Variants in AP3S2 observed in about 807,000 individuals in gnomAD.
AP3S2 encodes the protein adaptor related protein complex 3 subunit sigma 2.
AP3S2 carries 22 observed loss-of-function variants against 23.4 expected under a neutral mutation model. That is an observed-to-expected ratio of 0.94 (90% CI 0.67 to 1.34). The LOEUF (loss-of-function observed/expected upper bound fraction) is 1.34. Among genes scored for constraint, AP3S2 ranks in the 40% most tolerant of loss-of-function variants. AP3S2 has a pLI of 0.00. For missense variants in AP3S2, 241 were observed against 236.9 expected, an observed-to-expected ratio of 1.02 and a Z score of -0.11; for synonymous variants, 86 against 87.1, an observed-to-expected ratio of 0.99 and a Z score of 0.07.
intron 3 of AP3S2, among the ~76,000 whole-genome samples, chr15:89,875,127 G>A (rs1033534131): frequency 6.6e-6 from 1 of 152,240 alleles, no homozygotes; most frequent in Non-Finnish European, 1.5e-5. Flanking sequence ...CTTTGAGGTG[G>A]CTGGTACTGC....
At chr15:89,849,742 A>G (rs1895596402) in intron 4 of AP3S2, among the ~76,000 whole-genome samples, 1 of 151,994 alleles carries the variant, frequency 6.6e-6, no homozygotes, top group South Asian at 2.1e-4. Flanking sequence ...AGGTTTTTAC[A>G]TAGCTATACA....
At chr15:89,880,296 C>G (rs1409928140) in intron 3 of AP3S2, among the ~76,000 whole-genome samples, 1 of 152,072 alleles carries the variant, frequency 6.6e-6, no homozygotes, top group East Asian at 1.9e-4. Flanking sequence ...TTCAAGAATA[C>G]ATATGGATGA....
At chr15:89,883,146 T>C (rs1896611524) in intron 3 of AP3S2, among the ~76,000 whole-genome samples, 1 of 152,228 alleles carries the variant, frequency 6.6e-6, no homozygotes, top group African/African-American at 2.4e-5. Flanking sequence ...GAGACTTCTT[T>C]AATTATGAAT....
At chr15:89,868,269 T>C (rs1219791738) in intron 4 of AP3S2, among the ~76,000 whole-genome samples, 7 of 52,530 alleles carry the variant, frequency 1.3e-4, no homozygotes, top group African/African-American at 4.3e-4. Flanking sequence ...GAGGGGCGCC[T>C]CTGCCCGGCC....
chr15:89,877,574 C>G, intron 3 of AP3S2: 1 of 458,490 alleles, frequency 2.2e-6, no homozygotes, highest in African/African-American at 2.0e-5. Context: ...CATGGCCGGG[C>G]GCGGTGGCTC....
chr15:89,836,209 T>C (rs1895188010), intron 5 of AP3S2, among the ~76,000 whole-genome samples: 1 of 152,082 alleles, frequency 6.6e-6, no homozygotes, highest in African/African-American at 2.4e-5. Flanking sequence ...GACTACCAGC[T>C]CCTCAGAGGC....
chr15:89,842,029 C>G lies in AP3S2; in HGVS notation c.346-4307G>C, dbSNP rs74883704. Among the ~76,000 whole-genome samples the G allele has an allele frequency of 4.0e-3, 602 of 152,020 alleles. 8 individuals carry two copies. In the East Asian group the frequency reaches 0.062, roughly 16 times the overall value. On this transcript the variant is annotated intron_variant, in intron 4 of 5. Transcript: ENST00000336418. ...GAAATGAGAGCTCAAAGCAGAAATA[C>G]AAGAACTTTAGCAGAGGTAGGGAGA...
chr15:89,850,601 C>T (rs1200265917), intron 4 of AP3S2: 1 of 153,518 alleles, frequency 6.5e-6, no homozygotes, highest in African/African-American at 2.4e-5. Context: ...TTTTTCATTT[C>T]CTTTTTGTTT....
At chr15:89,875,379 C>T (rs1208920228) in intron 3 of AP3S2, among the ~76,000 whole-genome samples, 1 of 152,200 alleles carries the variant, frequency 6.6e-6, no homozygotes, top group African/African-American at 2.4e-5. Flanking sequence ...CTGTCAGATG[C>T]ATCTGTTTTT....
At chr15:89,874,457 T>C (rs1226600780) in intron 3 of AP3S2, among the ~76,000 whole-genome samples, 1 of 152,148 alleles carries the variant, frequency 6.6e-6, no homozygotes, top group African/African-American at 2.4e-5. Context: ...CAAAATTCAT[T>C]GTAAAGCTTT....
At chr15:89,854,615 GT>G in intron 4 of AP3S2, among the ~76,000 whole-genome samples, 2 of 65,710 alleles carry the variant, frequency 3.0e-5, no homozygotes, top group Non-Finnish European at 3.2e-5. Context: ...TGTCCGGGAG[GT>G]GAGGGGCGCC....
chr15:89,854,505 G>A (rs1227085091), intron 4 of AP3S2, among the ~76,000 whole-genome samples: 4 of 67,042 alleles, frequency 6.0e-5, no homozygotes, highest in African/African-American at 2.3e-4. Context: ...CAGCCGCCCC[G>A]TCCGGGAGGG....
intron 3 of AP3S2, among the ~76,000 whole-genome samples, chr15:89,887,142 G>C (rs1003534486): frequency 6.6e-6 from 1 of 152,056 alleles, no homozygotes; most frequent in Non-Finnish European, 1.5e-5. Context: ...ATCTGACTCA[G>C]GTTTTAAGAA....
chr15:89,857,159 TGGA>T (rs1895861291), intron 4 of AP3S2, among the ~76,000 whole-genome samples: 1 of 152,142 alleles, frequency 6.6e-6, no homozygotes. Context: ...CTGGGCACGG[TGGA>T]GGAGAGACAG....
At chr15:89,849,761 G>A (rs958748206) in intron 4 of AP3S2, among the ~76,000 whole-genome samples, 2 of 152,028 alleles carry the variant, frequency 1.3e-5, no homozygotes, top group African/African-American at 4.8e-5. Context: ...CACGTGCCAT[G>A]GTGGTTTGTT....
rs1335917776 is a variant in AP3S2, at chr15:89,859,384, TCC to T, written c.345+12089_345+12090del. Among the ~76,000 whole-genome samples, 768 of 99,884 alleles carry T rather than the reference TCC, an allele frequency of 7.7e-3. 4 individuals are homozygous for T. Among genetic ancestry groups the T allele is most frequent in the Middle Eastern group, 0.011 (2 of 188 alleles). The allele number at this position is 99,884 out of a possible 152,430, so 65.5% of individuals were successfully genotyped here. ...TCCTTTCCTTCCTTCCTTCCTTCCT[TCC>T]TTTTCTTTCTTTCTTTTTTTTTTTT... On this transcript the variant is annotated intron_variant, in intron 4 of 5. Coordinates refer to ENST00000336418, the MANE Select transcript of AP3S2 (RefSeq NM_005829.5).
rs183183323 is a variant in AP3S2, at chr15:89,891,446, G to C, written c.70-2306C>G. ...GGCCAAGACGGGCAGATTACTTGTG[G>C]TCAGGAGTTCGAGACCAGCCTGGCC... On this transcript the variant is annotated intron_variant, in intron 1 of 5. Transcript: ENST00000336418. Among the ~76,000 whole-genome samples the C allele has an allele frequency of 2.6e-5, 4 of 152,256 alleles. No individual in the cohort carries two copies. The East Asian group carries it at 7.7e-4, about 29-fold the overall frequency.
chr15:89,875,380 A>T (rs1297305962), intron 3 of AP3S2, among the ~76,000 whole-genome samples: 3 of 152,252 alleles, frequency 2.0e-5, no homozygotes, highest in African/African-American at 7.2e-5. Context: ...TGTCAGATGC[A>T]TCTGTTTTTC....
Position 89,858,677 on chromosome 15 carries a change from G to A in AP3S2, c.345+12798C>T, listed in dbSNP as rs542700598. On this transcript the variant is annotated intron_variant, in intron 4 of 5. Transcript: ENST00000336418. Reference sequence around the variant, plus strand: ...AGCCTTTCAGGGTGCCTATAAATCAGCAACCAAAGCAAAATACAATTCGTT... The same window carrying A: ...AGCCTTTCAGGGTGCCTATAAATCAACAACCAAAGCAAAATACAATTCGTT... 7.9e-5 allele frequency among the ~76,000 whole-genome samples: 12 copies of A among 152,252 alleles called. 1 individual carries two copies. The highest frequency in any genetic ancestry group is 7.7e-4 in the East Asian group (4 of 5,192).
Sources: allele counts gnomAD v4.1 joint callset (sites outside exome capture counted in the v4.1 genomes callset), GRCh38; gene constraint gnomAD v4.1.1; transcripts MANE v1.5; gene names NCBI Gene and HGNC (gene_info 2026-07-23, HGNC 2026-07-21).